Variants in ACTR3C observed in about 807,000 individuals in gnomAD.
ACTR3C encodes the protein actin related protein 3C.
In ACTR3C, 18 loss-of-function variants were observed where a neutral mutation model predicts 26.3. The observed-to-expected ratio is 0.68, with a 90% CI of 0.47 to 1.01. The LOEUF is 1.01. ACTR3C is among the 50% of genes least tolerant of loss of function. The pLI, the probability that ACTR3C is intolerant of heterozygous loss-of-function variation, is 0.00. For missense variants in ACTR3C, 184 were observed against 250.7 expected (o/e 0.73, Z 1.80); for synonymous variants, 55 against 94.5 (o/e 0.58, Z 2.42).
the ACTR3C span, among the ~76,000 whole-genome samples, chr7:150,108,725 C>T: frequency 1.3e-5 from 2 of 150,574 alleles, no homozygotes; most frequent in East Asian, 1.9e-4. Flanking sequence ...GCCAGCACTT[C>T]GACCTCAGAC....
chr7:149,898,616 G>A, the ACTR3C span, among the ~76,000 whole-genome samples: 1 of 149,280 alleles, frequency 6.7e-6, no homozygotes, highest in African/African-American at 2.4e-5. Flanking sequence ...AGTGAGACAG[G>A]AGAATTGCTT....
At chr7:150,286,954 G>A (rs181020096) in intron 4 of ACTR3C, among the ~76,000 whole-genome samples, 50 of 152,240 alleles carry the variant, frequency 3.3e-4, no homozygotes, top group African/African-American at 1.1e-3. Context: ...TACCGAGTGC[G>A]GCACTGTCTA....
At chr7:150,180,173 T>C in the ACTR3C span, among the ~76,000 whole-genome samples, 20 of 149,998 alleles carry the variant, frequency 1.3e-4, no homozygotes, top group East Asian at 1.2e-3. Context: ...GGCGTGGTCG[T>C]GGGCACCTGT....
At chr7:149,996,471 C>T in the ACTR3C span, among the ~76,000 whole-genome samples, 11 of 149,654 alleles carry the variant, frequency 7.4e-5, no homozygotes, top group African/African-American at 2.7e-4. Flanking sequence ...CAAAGACAAA[C>T]AGGCAGGTGG....
chr7:150,047,697 G>C, the ACTR3C span: 14 of 1,109,208 alleles, frequency 1.3e-5, no homozygotes, highest in Non-Finnish European at 1.5e-5. Context: ...GCGCTCCCGG[G>C]GCGCCGCCGC....
intron 7 of ACTR3C, chr7:150,248,470 G>A (rs1270617580): frequency 6.6e-6 from 1 of 151,996 alleles, no homozygotes; most frequent in East Asian, 1.9e-4. Context: ...AGAACATCCT[G>A]GCCAACATGG....
At chr7:150,282,342 A>G (rs1460249484) in intron 6 of ACTR3C, among the ~76,000 whole-genome samples, 2 of 152,190 alleles carry the variant, frequency 1.3e-5, no homozygotes, top group African/African-American at 2.4e-5. Flanking sequence ...CTTTGCTGCT[A>G]AACACTGAGA....
the ACTR3C span, among the ~76,000 whole-genome samples, chr7:149,917,213 T>A: frequency 6.6e-6 from 1 of 152,062 alleles, no homozygotes; most frequent in Non-Finnish European, 1.5e-5. Flanking sequence ...GTAGCTGGGA[T>A]TACAGGCATG....
At chr7:149,935,505 G>A in the ACTR3C span, among the ~76,000 whole-genome samples, 3 of 150,122 alleles carry the variant, frequency 2.0e-5, no homozygotes, top group African/African-American at 4.9e-5. Flanking sequence ...GGGTTCAAGC[G>A]ATTCTCCCGC....
At chr7:150,182,424 T>C in the ACTR3C span, among the ~76,000 whole-genome samples, 1 of 150,926 alleles carries the variant, frequency 6.6e-6, no homozygotes, top group Non-Finnish European at 1.5e-5. Context: ...TTAAATTGTG[T>C]TATTCAAATA....
chr7:150,045,664 A>G, the ACTR3C span, among the ~76,000 whole-genome samples: 150 of 152,108 alleles, frequency 9.9e-4, no homozygotes, highest in African/African-American at 3.4e-3. Context: ...TTTGTTTCTC[A>G]GGACACCTGT....
chr7:150,205,457 C>G, the ACTR3C span, among the ~76,000 whole-genome samples: 2 of 152,212 alleles, frequency 1.3e-5, no homozygotes, highest in Non-Finnish European at 2.9e-5. Context: ...GAGCTCTTAT[C>G]TCTCCCAACT....
At chr7:150,160,701 A>T in the ACTR3C span, among the ~76,000 whole-genome samples, 5 of 151,802 alleles carry the variant, frequency 3.3e-5, no homozygotes, top group African/African-American at 1.2e-4. Flanking sequence ...CTCATCCCTG[A>T]ATTGCAGGAG....
the ACTR3C span, among the ~76,000 whole-genome samples, chr7:150,216,664 C>T: frequency 1.3e-5 from 2 of 152,112 alleles, no homozygotes; most frequent in Admixed American, 1.3e-4. Flanking sequence ...TCCTGAGGAG[C>T]TGTGTGCCTA....
the ACTR3C span, among the ~76,000 whole-genome samples, chr7:150,061,222 G>A: frequency 1.4e-5 from 1 of 69,800 alleles, no homozygotes; most frequent in Non-Finnish European, 2.8e-5. Flanking sequence ...AAGAGGCTAT[G>A]CTGTGATGGC....
chr7:150,068,782 CAAA>C, the ACTR3C span, among the ~76,000 whole-genome samples: 905 of 76,722 alleles, frequency 0.012, 10 homozygotes, highest in African/African-American at 0.037. Flanking sequence ...GACTCCGTCC[CAAA>C]AAAAAAAAAA....
At chr7:150,312,264 C>A (rs771034378) in intron 1 of ACTR3C, among the ~76,000 whole-genome samples, 1 of 152,184 alleles carries the variant, frequency 6.6e-6, no homozygotes, top group Non-Finnish European at 1.5e-5. Context: ...GTTCTTAGAC[C>A]ATGGAAAATT....
the ACTR3C span, among the ~76,000 whole-genome samples, chr7:150,020,443 G>C: frequency 6.6e-6 from 1 of 152,066 alleles, no homozygotes; most frequent in Non-Finnish European, 1.5e-5. Context: ...TCCTCATTAA[G>C]TATCAGAGGT....
intron 6 of ACTR3C, among the ~76,000 whole-genome samples, chr7:150,253,789 C>A (rs1174004128): frequency 6.6e-6 from 1 of 151,942 alleles, no homozygotes. Context: ...AAACAATATG[C>A]CATGCGATCC....
Sources: gnomAD v4.1 joint callset for allele counts (sites outside exome capture counted in the v4.1 genomes callset) on GRCh38, gnomAD v4.1.1 for gene constraint, MANE v1.5 for transcripts, NCBI Gene and HGNC (gene_info 2026-07-23, HGNC 2026-07-21) for gene names.